HMGXB4: variants seen among roughly 807,000 people sequenced by gnomAD.
HMGXB4 encodes the protein HMG domain-containing protein 4.
A neutral mutation model predicts 63.9 loss-of-function variants in HMGXB4; 27 were observed. That is an observed-to-expected ratio of 0.42 (90% CI 0.31 to 0.58). The LOEUF is 0.58. HMGXB4 is among the 20% of genes least tolerant of loss of function. The probability of loss-of-function intolerance (pLI) is 0.13; values close to 1 mark genes in which losing one functional copy is unlikely to be tolerated. For missense variants in HMGXB4, 624 were observed against 700.7 expected (o/e 0.89, Z 1.24); for synonymous variants, 264 against 265.3 (o/e 0.99, Z 0.05).
At position 35,294,821 on chromosome 22, in the gene HMGXB4, G is replaced by GT; in HGVS notation, c.*1173dup. 6.6e-6 allele frequency: 1 copy of GT among 151,296 alleles called. No homozygotes were observed. Among genetic ancestry groups the GT allele is most frequent in the Non-Finnish European group, 1.5e-5 (1 of 67,848 alleles). 9.4% of individuals were successfully genotyped at this position (151,296 alleles called of 1,614,324 possible). A position where few individuals can be genotyped will look rare whatever the true frequency, so the allele number is the denominator to read the frequency against. On this transcript the variant is annotated 3_prime_UTR_variant, in exon 11 of 11. Coordinates refer to ENST00000216106, the MANE Select transcript of HMGXB4 (RefSeq NM_001003681.3). ...CCCTTCTTTCCTTCCTTCCTTCCCT[G>GT]TTTCCTTCCCTCTTTCCTTCCTTCC...
chr22:35,266,500 T>G (rs1923259953), intron 5 of HMGXB4, among the ~76,000 whole-genome samples: 1 of 152,148 alleles, frequency 6.6e-6, no homozygotes, highest in Admixed American at 6.6e-5. Flanking sequence ...TCACTGTTGA[T>G]TAGGGAGATA....
intron 5 of HMGXB4, among the ~76,000 whole-genome samples, chr22:35,279,762 A>G (rs1924135313): frequency 8.9e-6 from 1 of 112,270 alleles, no homozygotes. Context: ...TCTTCATTGT[A>G]TTGTCCTTGC....
the HMGXB4 span, among the ~76,000 whole-genome samples, chr22:35,243,823 T>C: frequency 1.3e-5 from 2 of 152,162 alleles, no homozygotes; most frequent in Non-Finnish European, 1.5e-5. Context: ...GCATTACAGG[T>C]GTGAGCCACC....
In HMGXB4 at chr22:35,265,372, G is replaced by A; in HGVS notation, c.984G>A (p.Lys328=). Residue 328 remains lysine (K), a synonymous_variant, in exon 5 of 11, where the codon AAG becomes AAA. Transcript: ENST00000216106. ...AGAAGTCAAAGAAGAGCAAAAAGAA[G>A]AAAGACAAGGAGAAGCATAAAGAGA... ...KKKKSKKSKK[K]KDKEKHKEKR... The A allele has an allele frequency of 6.2e-7, 1 of 1,613,676 alleles. No homozygotes were observed. The highest frequency in any genetic ancestry group is 1.1e-5 in the South Asian group (1 of 91,036).
chr22:35,270,060 T>A (rs746113141), intron 5 of HMGXB4, among the ~76,000 whole-genome samples: 1 of 151,528 alleles, frequency 6.6e-6, no homozygotes, highest in Non-Finnish European at 1.5e-5. Flanking sequence ...GAAGGAAAAA[T>A]TGACAAGATC....
In HMGXB4 at chr22:35,295,521, A is replaced by G. The variant is rs1034041040; in HGVS notation, c.*1870A>G. 3 of 152,644 alleles carry G rather than the reference A, an allele frequency of 2.0e-5. No homozygotes were observed. Among genetic ancestry groups the G allele is most frequent in the African/African-American group, 7.2e-5 (3 of 41,450 alleles). 9.5% of individuals were successfully genotyped at this position (152,644 alleles called of 1,614,324 possible). On this transcript the variant is annotated 3_prime_UTR_variant, in exon 11 of 11. Transcript: ENST00000216106. ...CTAGCATTGTCATTTATATACATTA[A>G]TGAAATCCTGATGAGGACCTGCTTT...
At chr22:35,292,360 G>T (rs909840735) in intron 9 of HMGXB4, among the ~76,000 whole-genome samples, 20 of 152,122 alleles carry the variant, frequency 1.3e-4, no homozygotes, top group African/African-American at 4.8e-4. Context: ...TTTTCTTAAG[G>T]ACTGTGCTGT....
At position 35,265,378 on chromosome 22, in the gene HMGXB4, C is replaced by T. The variant is rs751136807; in HGVS notation, c.990C>T (p.Asp330=). ...CAAAGAAGAGCAAAAAGAAGAAAGA[C>T]AAGGAGAAGCATAAAGAGAAGCGAC... ...KKSKKSKKKK[D]KEKHKEKRHS... The change falls in exon 5 of 11, where the codon GAC becomes GAT. Residue 330 remains aspartate (D), a synonymous_variant. Transcript: ENST00000216106. 6.2e-7 allele frequency: 1 copy of T among 1,613,684 alleles called. No individual in the cohort carries two copies. The highest frequency in any genetic ancestry group is 8.5e-7 in the Non-Finnish European group (1 of 1,179,938).
At chr22:35,243,701 G>A in the HMGXB4 span, among the ~76,000 whole-genome samples, 6 of 151,888 alleles carry the variant, frequency 4.0e-5, no homozygotes, top group Admixed American at 1.3e-4. Flanking sequence ...ATGCCACCAC[G>A]CCCGGCTAAT....
At chr22:35,290,381 C>G (rs1331337809) in intron 9 of HMGXB4, among the ~76,000 whole-genome samples, 1 of 152,120 alleles carries the variant, frequency 6.6e-6, no homozygotes, top group African/African-American at 2.4e-5. Flanking sequence ...CGCGGTGGCT[C>G]ACGCCTGTAA....
At chr22:35,279,754 T>G (rs12172500) in intron 5 of HMGXB4, among the ~76,000 whole-genome samples, 1 of 151,314 alleles carries the variant, frequency 6.6e-6, no homozygotes, top group Non-Finnish European at 1.5e-5. Flanking sequence ...CTATCTTTTC[T>G]TCATTGTATT....
chr22:35,269,110 C>T (rs1010191190), intron 5 of HMGXB4, among the ~76,000 whole-genome samples: 2 of 152,220 alleles, frequency 1.3e-5, no homozygotes, highest in Non-Finnish European at 2.9e-5. Flanking sequence ...GGTGCAGTGG[C>T]TCACACCTGT....
At chr22:35,268,510 A>G (rs1002785096) in intron 5 of HMGXB4, among the ~76,000 whole-genome samples, 23 of 152,130 alleles carry the variant, frequency 1.5e-4, no homozygotes, top group African/African-American at 5.5e-4. Flanking sequence ...AGTAATCTTA[A>G]TCTTAAGTAG....
At chr22:35,288,490 C>T in intron 9 of HMGXB4, 83 bp downstream of exon 9, 1 of 1,102,206 alleles carries the variant, frequency 9.1e-7, no homozygotes. Context: ...ATTTTACATA[C>T]ATGTATTGAG....
intron 1 of HMGXB4, among the ~76,000 whole-genome samples, chr22:35,260,000 G>A (rs530707306): frequency 6.6e-6 from 1 of 152,226 alleles, no homozygotes; most frequent in African/African-American, 2.4e-5. Context: ...AGCCAGTAAC[G>A]AGACCACGAT....
In HMGXB4 at chr22:35,265,094, C is replaced by A. The variant is rs146646334; in HGVS notation, c.706C>A (p.Leu236Ile). The stretch of plus-strand genomic sequence containing the variant: ...AGCTCGGGATGAGCAGGGTGCTTTA[C>A]TCCTAGGACATGAGTTACAGAGCTT... ...KSARDEQGAL[L>I]LGHELQSFLK... The change falls in exon 5 of 11, where the codon CTC (leucine) becomes ATC (isoleucine). Residue 236 changes from leucine to isoleucine, a missense_variant. Coordinates refer to ENST00000216106, the MANE Select transcript of HMGXB4 (RefSeq NM_001003681.3). The A allele has an allele frequency of 1.2e-6, 2 of 1,614,138 alleles. No homozygotes were observed. Among genetic ancestry groups the A allele is most frequent in the Non-Finnish European group, 8.5e-7 (1 of 1,180,024 alleles).
At chr22:35,253,761 A>G (rs564556024), upstream of HMGXB4, among the ~76,000 whole-genome samples, 1 of 152,332 alleles carries the variant, frequency 6.6e-6, no homozygotes, top group South Asian at 2.1e-4. Flanking sequence ...CAGAGTTAAG[A>G]GGGAAGGATT....
At chr22:35,248,383 G>A in the HMGXB4 span, among the ~76,000 whole-genome samples, 1 of 151,488 alleles carries the variant, frequency 6.6e-6, no homozygotes, top group Admixed American at 6.6e-5. Context: ...CAGGAGCAAT[G>A]GGCAGGGGAG....
chr22:35,258,317 C>T (rs1258791131), intron 1 of HMGXB4: 5 of 152,136 alleles, frequency 3.3e-5, no homozygotes, highest in African/African-American at 9.7e-5. Flanking sequence ...CGTGCAAAAG[C>T]GGAGAAACAT....
Sources: allele counts gnomAD v4.1 joint callset (sites outside exome capture counted in the v4.1 genomes callset), GRCh38; gene constraint gnomAD v4.1.1; transcripts MANE v1.5; gene names NCBI Gene and HGNC (gene_info 2026-07-23, HGNC 2026-07-21).